Variants in SMIM9 observed in about 807,000 individuals in gnomAD.
The protein encoded by SMIM9 is small integral membrane protein 9.
A neutral mutation model predicts 7.2 loss-of-function variants in SMIM9; 8 were observed. The ratio of observed to expected loss-of-function variants is 1.10; its 90% CI spans 0.65 to 1.99. The LOEUF is 1.99. Among genes scored for constraint, SMIM9 ranks in the 30% most tolerant of loss-of-function variants. SMIM9 has a pLI of 0.00. For synonymous variants in SMIM9, 19 were observed against 26.4 expected, an observed-to-expected ratio of 0.72 and a Z score of 0.86; for missense variants, 76 against 69.3, an observed-to-expected ratio of 1.10 and a Z score of -0.34.
Position 154,829,481 on chromosome X carries a change from C to T in SMIM9, c.272+54G>A, listed in dbSNP as rs1400463115. On this transcript the variant is annotated intron_variant, in intron 4 of 4. Coordinates refer to ENST00000369529, the MANE Select transcript of SMIM9 (RefSeq NM_001162936.4). ...GGTGAGCAACCTGTTTCTGTTCCCA[C>T]CCCCCTTCACATTCCCTCTCTCCTC... 7.0e-6 allele frequency: 8 copies of T among 1,143,991 alleles called. No homozygotes were observed. In the African/African-American group the frequency reaches 7.3e-5, roughly 10 times the overall value. The allele number at this position is 1,143,991 out of a possible 1,213,427, so 94.3% of individuals were successfully genotyped here.
At chrX:154,829,480 A>AC (rs1157623734) in intron 4 of SMIM9, 55 bp downstream of exon 4, 2 of 1,143,278 alleles carry the variant, frequency 1.7e-6, no homozygotes, top group African/African-American at 3.6e-5. Context: ...TTCTGTTCCC[A>AC]CCCCCCTTCA....
At position 154,829,534 on chromosome X, in the gene SMIM9, C is replaced by T. The variant is rs782225641; in HGVS notation, c.272+1G>A. On this transcript the variant is annotated splice_donor_variant, in intron 4 of 4. Coordinates refer to ENST00000369529, the MANE Select transcript of SMIM9 (RefSeq NM_001162936.4). LOFTEE classifies it high-confidence loss of function. ...TGTCTCTTCTTCCCACAGAAGCTTACGTGAAGCAGCAGAGGATCCCCATTA... is the reference window on the plus strand; with the variant it reads ...TGTCTCTTCTTCCCACAGAAGCTTATGTGAAGCAGCAGAGGATCCCCATTA... 238 of 1,164,650 alleles carry T rather than the reference C, an allele frequency of 2.0e-4. No homozygotes were observed. The highest frequency in any genetic ancestry group is 4.7e-4 in the Middle Eastern group (2 of 4,271).
At chrX:154,824,350 C>T (rs113245940) in intron 4 of SMIM9, among the ~76,000 whole-genome samples, 3 of 48,210 alleles carry the variant, frequency 6.2e-5, no homozygotes, top group Non-Finnish European at 1.1e-4. Context: ...AGCGAGACTC[C>T]GTCTCAAAAA....
chrX:154,832,792 C>T (rs1157152583), intron 1 of SMIM9, 109 bp from the exon 2 acceptor site: 1 of 112,205 alleles, frequency 8.9e-6, no homozygotes, highest in African/African-American at 3.2e-5. Flanking sequence ...CATTTTCTCT[C>T]TATGTATAAA....
At chrX:154,828,546 C>A (rs782014373) in intron 4 of SMIM9, among the ~76,000 whole-genome samples, 3 of 111,389 alleles carry the variant, frequency 2.7e-5, no homozygotes. Context: ...AATGTTGGGA[C>A]CTTCGAAGCT....
At chrX:154,827,758 C>T (rs181542368) in intron 4 of SMIM9, among the ~76,000 whole-genome samples, 19 of 112,312 alleles carry the variant, frequency 1.7e-4, no homozygotes, top group Admixed American at 1.7e-3. Flanking sequence ...TCCTTTCATA[C>T]GTGGAACACA....
intron 1 of SMIM9, among the ~76,000 whole-genome samples, chrX:154,833,363 G>A (rs782394197): frequency 3.6e-4 from 40 of 112,661 alleles, no homozygotes; most frequent in African/African-American, 1.0e-3. Context: ...AGTGGCAGAC[G>A]CCTGTCATCC....
intron 1 of SMIM9, among the ~76,000 whole-genome samples, chrX:154,833,256 T>C (rs1218377649): frequency 8.9e-6 from 1 of 112,536 alleles, no homozygotes; most frequent in East Asian, 2.8e-4. Flanking sequence ...ACAAATTAAG[T>C]AATTTCACAG....
chrX:154,834,261 G>A (rs1199539004), intron 1 of SMIM9, among the ~76,000 whole-genome samples: 1 of 112,349 alleles, frequency 8.9e-6, no homozygotes, highest in Non-Finnish European at 1.9e-5. Context: ...TTCTAACTTC[G>A]ATGGTGGAGT....
rs1319167006 is a variant in SMIM9, at chrX:154,824,372, A to AG, written c.273-591_273-590insC. 2.3e-3 allele frequency among the ~76,000 whole-genome samples: 248 copies of AG among 107,228 alleles called. 2 individuals carry two copies. The highest frequency in any genetic ancestry group is 4.2e-3 in the Non-Finnish European group (217 of 51,740). 93.1% of individuals were successfully genotyped at this position (107,228 alleles called of 115,157 possible). ...CTCCGTCTCAAAAAAAAAAAAAAAA[A>AG]AAAAGAAAAAGAAAAAAAAGAAAGA... On this transcript the variant is annotated intron_variant, in intron 4 of 4. Coordinates refer to ENST00000369529, the MANE Select transcript of SMIM9 (RefSeq NM_001162936.4).
intron 2 of SMIM9, among the ~76,000 whole-genome samples, chrX:154,832,357 C>A (rs2072449142): frequency 8.9e-6 from 1 of 111,928 alleles, no homozygotes; most frequent in African/African-American, 3.2e-5. Flanking sequence ...TTGAATATTG[C>A]TTAAGAAATG....
intron 4 of SMIM9, among the ~76,000 whole-genome samples, 157 bp downstream of exon 4, chrX:154,829,378 G>A (rs1262656052): frequency 9.0e-6 from 1 of 111,592 alleles, no homozygotes; most frequent in Non-Finnish European, 1.9e-5. Flanking sequence ...TTTTAAAAGG[G>A]GGTTGCATGA....
At chrX:154,827,359 C>A (rs1281285465) in intron 4 of SMIM9, 1 of 112,181 alleles carries the variant, frequency 8.9e-6, no homozygotes, top group Non-Finnish European at 1.9e-5. Context: ...ATCTTAGTAG[C>A]TTAACACAAT....
chrX:154,830,608 C>T, intron 3 of SMIM9, 107 bp downstream of exon 3: 1 of 1,021,489 alleles, frequency 9.8e-7, no homozygotes, highest in Non-Finnish European at 1.3e-6. Flanking sequence ...GTTTGCTTTC[C>T]TATGAACATT....
chrX:154,833,062 C>T (rs1215678818), intron 1 of SMIM9, among the ~76,000 whole-genome samples: 1 of 111,484 alleles, frequency 9.0e-6, no homozygotes, highest in Non-Finnish European at 1.9e-5. Flanking sequence ...ATGACATTTT[C>T]TGTCATACTT....
rs1557270430 is a variant in SMIM9, at chrX:154,829,683, C to T, written c.143-19G>A. ...TGATTACCTGCAGAAAGAGCATAGACATTCATTGAGGAGAGGTCAAGTAAA... is the reference window on the plus strand; with the variant it reads ...TGATTACCTGCAGAAAGAGCATAGATATTCATTGAGGAGAGGTCAAGTAAA... On this transcript the variant is annotated intron_variant, in intron 3 of 4. Coordinates refer to ENST00000369529, the MANE Select transcript of SMIM9 (RefSeq NM_001162936.4). The T allele has an allele frequency of 1.7e-6, 2 of 1,165,847 alleles. No homozygotes were observed. Among genetic ancestry groups the T allele is most frequent in the Admixed American group, 5.2e-5 (2 of 38,607 alleles).
chrX:154,828,998 C>T (rs2072433173), intron 4 of SMIM9, among the ~76,000 whole-genome samples: 1 of 111,813 alleles, frequency 8.9e-6, no homozygotes, highest in Admixed American at 9.5e-5. Flanking sequence ...AATGACCTAC[C>T]AATTTGTAAT....
chrX:154,832,420 G>C (rs782355752), intron 2 of SMIM9, among the ~76,000 whole-genome samples, 154 bp downstream of exon 2: 1 of 112,107 alleles, frequency 8.9e-6, no homozygotes, highest in African/African-American at 3.2e-5. Flanking sequence ...ACCTGTATCT[G>C]CTTACTTCTG....
chrX:154,828,824 C>G (rs1557270361), intron 4 of SMIM9, among the ~76,000 whole-genome samples: 1 of 111,428 alleles, frequency 9.0e-6, no homozygotes, highest in African/African-American at 3.3e-5. Context: ...TCCTCAGCCA[C>G]TTTTATTAGA....
Sources: gnomAD v4.1 joint callset for allele counts (sites outside exome capture counted in the v4.1 genomes callset) on GRCh38, gnomAD v4.1.1 for gene constraint, MANE v1.5 for transcripts, NCBI Gene and HGNC (gene_info 2026-07-23, HGNC 2026-07-21) for gene names.